IMMP2L: variants seen among roughly 807,000 people sequenced by gnomAD.
IMMP2L encodes the protein mitochondrial inner membrane protease subunit 2.
A neutral mutation model predicts 19.3 loss-of-function variants in IMMP2L; 18 were observed. That is an observed-to-expected ratio of 0.93 (90% CI 0.64 to 1.38). The LOEUF is 1.38. Ranked by LOEUF, IMMP2L falls within the 40% of genes most tolerant of loss-of-function variation. IMMP2L has a pLI of 0.00. For synonymous variants in IMMP2L, 76 were observed against 73.0 expected (o/e 1.04, Z -0.21); for missense variants, 233 against 218.2 (o/e 1.07, Z -0.43).
chr7:110,817,100 A>C (rs2131307788), intron 5 of IMMP2L, among the ~76,000 whole-genome samples: 1 of 152,216 alleles, frequency 6.6e-6, no homozygotes. Flanking sequence ...TAGTGTTAGA[A>C]GTTCTGGCCA....
At chr7:111,537,276 C>A (rs1037154821) in intron 1 of IMMP2L, among the ~76,000 whole-genome samples, 1 of 152,036 alleles carries the variant, frequency 6.6e-6, no homozygotes, top group Admixed American at 6.6e-5. Context: ...TATGGAAAGA[C>A]AAACTACACA....
intron 3 of IMMP2L, among the ~76,000 whole-genome samples, chr7:111,436,137 T>G (rs529227588): frequency 2.0e-5 from 3 of 151,844 alleles, no homozygotes; most frequent in African/African-American, 7.3e-5. Context: ...AGGGAACATA[T>G]GTACTGGGCA....
chr7:111,022,041 G>A (rs1269971227), intron 3 of IMMP2L, among the ~76,000 whole-genome samples: 1 of 152,166 alleles, frequency 6.6e-6, no homozygotes, highest in African/African-American at 2.4e-5. Flanking sequence ...TGGAGACACA[G>A]CCAAACCATA....
At chr7:110,836,424 G>A (rs1417575925) in intron 5 of IMMP2L, among the ~76,000 whole-genome samples, 1 of 152,140 alleles carries the variant, frequency 6.6e-6, no homozygotes, top group African/African-American at 2.4e-5. Flanking sequence ...TTCCTGTGCT[G>A]TTCTTGTGAC....
intron 5 of IMMP2L, among the ~76,000 whole-genome samples, chr7:110,819,756 C>A (rs947928160): frequency 1.2e-4 from 18 of 151,960 alleles, no homozygotes; most frequent in Admixed American, 1.2e-3. Context: ...GATAATAATA[C>A]GAATTAAAAG....
chr7:111,006,127 C>T (rs566577238), intron 3 of IMMP2L, among the ~76,000 whole-genome samples: 9 of 152,158 alleles, frequency 5.9e-5, no homozygotes, highest in African/African-American at 9.6e-5. Context: ...ATCTCCCATG[C>T]GGTTTAGGAA....
intron 3 of IMMP2L, among the ~76,000 whole-genome samples, chr7:111,417,396 G>C (rs1246265821): frequency 1.3e-5 from 2 of 151,688 alleles, no homozygotes; most frequent in African/African-American, 4.9e-5. Flanking sequence ...ATTCAGAATT[G>C]GTAGCACATT....
At chr7:111,537,047 CA>C (rs1847950258) in intron 1 of IMMP2L, among the ~76,000 whole-genome samples, 1 of 152,032 alleles carries the variant, frequency 6.6e-6, no homozygotes, top group African/African-American at 2.4e-5. Context: ...TTACCCCTTT[CA>C]CATCAATAAA....
chr7:110,943,330 A>G (rs1180510961), intron 4 of IMMP2L, among the ~76,000 whole-genome samples: 1 of 152,002 alleles, frequency 6.6e-6, no homozygotes, highest in African/African-American at 2.4e-5. Flanking sequence ...CCTTGATACA[A>G]GTGCAAAACC....
At chr7:110,992,235 T>G (rs573297450) in intron 3 of IMMP2L, among the ~76,000 whole-genome samples, 1 of 152,220 alleles carries the variant, frequency 6.6e-6, no homozygotes, top group East Asian at 1.9e-4. Flanking sequence ...AAATATTTAT[T>G]AATTAGAAAT....
intron 5 of IMMP2L, among the ~76,000 whole-genome samples, chr7:110,750,040 A>G (rs1347368345): frequency 6.6e-6 from 1 of 152,096 alleles, no homozygotes; most frequent in African/African-American, 2.4e-5. Flanking sequence ...ATGTCACTAA[A>G]ATAAAAACTT....
At chr7:111,291,931 T>C (rs776523798) in intron 3 of IMMP2L, among the ~76,000 whole-genome samples, 19 of 152,092 alleles carry the variant, frequency 1.2e-4, no homozygotes, top group Non-Finnish European at 2.4e-4. Context: ...GCTAAAGGAA[T>C]CTCCACAAGC....
intron 3 of IMMP2L, among the ~76,000 whole-genome samples, chr7:111,231,895 A>G (rs1813757519): frequency 6.6e-6 from 1 of 151,978 alleles, no homozygotes; most frequent in African/African-American, 2.4e-5. Context: ...TTTTTCTATA[A>G]AAATCACCGC....
intron 3 of IMMP2L, among the ~76,000 whole-genome samples, chr7:111,196,035 T>A (rs1321606519): frequency 6.6e-6 from 1 of 151,854 alleles, no homozygotes; most frequent in Non-Finnish European, 1.5e-5. Context: ...CATCCACCGT[T>A]TTGTTTTGTT....
intron 3 of IMMP2L, among the ~76,000 whole-genome samples, chr7:111,219,796 C>T (rs1812329105): frequency 6.6e-6 from 1 of 151,682 alleles, no homozygotes; most frequent in Non-Finnish European, 1.5e-5. Flanking sequence ...CCTTTGTTAA[C>T]CTGTTTCTAT....
intron 3 of IMMP2L, among the ~76,000 whole-genome samples, chr7:111,037,900 A>T (rs1791505413): frequency 6.6e-6 from 1 of 152,184 alleles, no homozygotes; most frequent in Admixed American, 6.5e-5. Context: ...TGACAGTTTT[A>T]AATGTACTGT....
intron 5 of IMMP2L, among the ~76,000 whole-genome samples, chr7:110,666,563 C>T (rs1053589705): frequency 9.2e-5 from 14 of 151,586 alleles, no homozygotes; most frequent in African/African-American, 2.7e-4. Flanking sequence ...TGTGAGCCAC[C>T]GTGCCTGGCC....
intron 3 of IMMP2L, among the ~76,000 whole-genome samples, chr7:111,147,332 T>G (rs374894168): frequency 5.9e-5 from 9 of 152,132 alleles, no homozygotes; most frequent in African/African-American, 1.7e-4. Context: ...AGAAATTGGT[T>G]TAATTAATAT....
intron 3 of IMMP2L, among the ~76,000 whole-genome samples, chr7:111,448,407 C>A (rs951797362): frequency 2.0e-5 from 3 of 151,782 alleles, no homozygotes; most frequent in African/African-American, 7.3e-5. Flanking sequence ...AAGAACCTCA[C>A]TAAAAGCCGC....
Sources: allele counts gnomAD v4.1 joint callset (sites outside exome capture counted in the v4.1 genomes callset), GRCh38; gene constraint gnomAD v4.1.1; transcripts MANE v1.5; gene names NCBI Gene and HGNC (gene_info 2026-07-23, HGNC 2026-07-21).